Variants in GABRB2 observed in about 807,000 individuals in gnomAD.
GABRB2 encodes the protein gamma-aminobutyric acid type A receptor subunit beta2, also known as gamma-aminobutyric acid receptor subunit beta-2.
In GABRB2, 16 loss-of-function variants were observed where a neutral mutation model predicts 54.7. The ratio of observed to expected loss-of-function variants is 0.29; its 90% CI spans 0.20 to 0.44. The LOEUF is 0.44. Among genes scored for constraint, GABRB2 ranks in the 20% least tolerant of loss-of-function variants. The pLI, the probability that GABRB2 is intolerant of heterozygous loss-of-function variation, is 1.00. For synonymous variants in GABRB2, 244 were observed against 233.8 expected, an observed-to-expected ratio of 1.04 and a Z score of -0.40; for missense variants, 355 against 644.0, an observed-to-expected ratio of 0.55 and a Z score of 4.86.
chr5:161,512,568 G>C (rs1258332717), intron 3 of GABRB2, among the ~76,000 whole-genome samples: 1 of 151,908 alleles, frequency 6.6e-6, no homozygotes, highest in Non-Finnish European at 1.5e-5. Flanking sequence ...AACTAATTCA[G>C]GGTGGATTAA....
chr5:161,514,562 C>T (rs1217350943), intron 3 of GABRB2, among the ~76,000 whole-genome samples: 1 of 151,694 alleles, frequency 6.6e-6, no homozygotes, highest in Non-Finnish European at 1.5e-5. Context: ...TTTCTCTATC[C>T]CTAAAAGTAT....
intron 3 of GABRB2, 72 bp from the exon 4 acceptor site, chr5:161,459,916 G>T: frequency 1.3e-6 from 1 of 753,686 alleles, no homozygotes; most frequent in Non-Finnish European, 2.2e-6. Flanking sequence ...AAACATCTCA[G>T]TATTAATAAG....
chr5:161,335,363 C>T lies in GABRB2; in HGVS notation c.680-459G>A, dbSNP rs577594104. 3.3e-5 allele frequency among the ~76,000 whole-genome samples: 5 copies of T among 152,212 alleles called. No individual in the cohort carries two copies. In the South Asian group the frequency reaches 1.0e-3, roughly 32 times the overall value. ...ATCAGTGGTGATGTTTCAGGGAATG[C>T]AGGTTTTTGTAGGTTTTCACGTATA... On this transcript the variant is annotated intron_variant, in intron 6 of 9. Coordinates refer to ENST00000393959, the MANE Select transcript of GABRB2 (RefSeq NM_001371727.1).
intron 3 of GABRB2, among the ~76,000 whole-genome samples, chr5:161,504,706 C>T (rs1000613904): frequency 6.5e-5 from 7 of 107,380 alleles, no homozygotes; most frequent in Non-Finnish European, 1.0e-4. Flanking sequence ...GAGTAAAATA[C>T]AATAAAATGA....
chr5:161,357,687 G>A (rs1248347465), intron 5 of GABRB2, among the ~76,000 whole-genome samples: 1 of 151,860 alleles, frequency 6.6e-6, no homozygotes, highest in Admixed American at 6.6e-5. Context: ...AGAGCAAGGT[G>A]GAAACTAAAG....
At chr5:161,315,654 A>G (rs1758006858) in intron 9 of GABRB2, among the ~76,000 whole-genome samples, 1 of 152,128 alleles carries the variant, frequency 6.6e-6, no homozygotes, top group Admixed American at 6.6e-5. Flanking sequence ...ATGGATTTTT[A>G]AATTATTATT....
chr5:161,393,213 A>T (rs945343663), intron 5 of GABRB2, among the ~76,000 whole-genome samples: 7 of 148,488 alleles, frequency 4.7e-5, no homozygotes, highest in Middle Eastern at 3.2e-3. Flanking sequence ...TAGTGTATAC[A>T]GTGAAGGAAA....
intron 4 of GABRB2, among the ~76,000 whole-genome samples, chr5:161,446,763 C>T (rs372164184): frequency 1.6e-4 from 24 of 152,156 alleles, no homozygotes; most frequent in African/African-American, 5.1e-4. Flanking sequence ...ACACATGGCC[C>T]GTAAAACAAC....
intron 3 of GABRB2, among the ~76,000 whole-genome samples, chr5:161,475,647 T>C (rs1758569974): frequency 6.6e-6 from 1 of 151,964 alleles, no homozygotes; most frequent in Non-Finnish European, 1.5e-5. Flanking sequence ...AATGCAAAGA[T>C]GGTTCAACAT....
chr5:161,428,288 C>CGTGTGTGT (rs71302909), intron 4 of GABRB2, among the ~76,000 whole-genome samples: 6,922 of 145,244 alleles, frequency 0.048, 212 homozygotes, highest in Middle Eastern at 0.07. Flanking sequence ...CAGAGAGTTA[C>CGTGTGTGT]GTGTGTGTGT....
chr5:161,422,917 T>G (rs1357564782), intron 4 of GABRB2, among the ~76,000 whole-genome samples: 1 of 152,184 alleles, frequency 6.6e-6, no homozygotes, highest in Non-Finnish European at 1.5e-5. Context: ...GATAAAATGA[T>G]GTCTATACAA....
At chr5:161,387,305 G>T (rs1246550160) in intron 5 of GABRB2, among the ~76,000 whole-genome samples, 1 of 151,930 alleles carries the variant, frequency 6.6e-6, no homozygotes, top group African/African-American at 2.4e-5. Context: ...GTCCTGGCAG[G>T]CTCTCACCCA....
intron 3 of GABRB2, among the ~76,000 whole-genome samples, chr5:161,495,612 G>T (rs1015300826): frequency 6.6e-6 from 1 of 151,944 alleles, no homozygotes; most frequent in Non-Finnish European, 1.5e-5. Flanking sequence ...TACTCCAGAA[G>T]GTGAATGGCA....
intron 5 of GABRB2, among the ~76,000 whole-genome samples, chr5:161,372,916 C>T (rs1211031954): frequency 6.6e-6 from 1 of 152,174 alleles, no homozygotes; most frequent in African/African-American, 2.4e-5. Flanking sequence ...ATCATGGGAA[C>T]AGTGTGTCTC....
At chr5:161,430,890 A>G (rs1200299314) in intron 4 of GABRB2, among the ~76,000 whole-genome samples, 1 of 152,154 alleles carries the variant, frequency 6.6e-6, no homozygotes, top group Non-Finnish European at 1.5e-5. Context: ...TATGCATGGT[A>G]TTGTTAAGAC....
intron 5 of GABRB2, among the ~76,000 whole-genome samples, chr5:161,349,490 G>A (rs549350389): frequency 3.0e-4 from 45 of 152,212 alleles, no homozygotes; most frequent in South Asian, 6.2e-4. Context: ...AAATGGTGGA[G>A]CTTAATTCCC....
rs536138703 is a variant in GABRB2, at chr5:161,486,127, T to C, written c.238-26283A>G. On this transcript the variant is annotated intron_variant, in intron 3 of 9. Transcript: ENST00000393959. ...GGCCATTTAAGTAAACTGTAATACA[T>C]TGAATGTATACTTATGGTTACGGTA... 6.6e-5 allele frequency among the ~76,000 whole-genome samples: 10 copies of C among 152,052 alleles called. No homozygotes were observed. In the South Asian group the frequency reaches 1.5e-3, roughly 22 times the overall value.
intron 4 of GABRB2, among the ~76,000 whole-genome samples, chr5:161,439,801 A>G (rs1757412282): frequency 6.6e-6 from 1 of 152,028 alleles, no homozygotes; most frequent in African/African-American, 2.4e-5. Context: ...GGGGAACAAC[A>G]CACATGAGGG....
Position 161,334,753 on chromosome 5 carries a change from T to C in GABRB2, c.831A>G (p.Leu277=), listed in dbSNP as rs763177387. The change falls in exon 7 of 10, where the codon TTA becomes TTG. Residue 277 remains leucine (L), a splice_region_variant and synonymous_variant. Coordinates refer to ENST00000393959, the MANE Select transcript of GABRB2 (RefSeq NM_001371727.1). ...ACAAGCAGTAATAAAATGGCCTACCTAATGCCACCCTTGCAGCTGAAGCAT... is the reference window on the plus strand; with the variant it reads ...ACAAGCAGTAATAAAATGGCCTACCCAATGCCACCCTTGCAGCTGAAGCAT... The part of the protein sequence containing the change: ...NYDASAARVA[L]GITTVLTMTT... 8.1e-6 allele frequency: 13 copies of C among 1,613,612 alleles called. No individual in the cohort carries two copies. In the South Asian group the frequency reaches 1.3e-4, roughly 16 times the overall value.
Sources: gnomAD v4.1 joint callset for allele counts (sites outside exome capture counted in the v4.1 genomes callset) on GRCh38, gnomAD v4.1.1 for gene constraint, MANE v1.5 for transcripts, NCBI Gene and HGNC (gene_info 2026-07-23, HGNC 2026-07-21) for gene names.